IFT43: variants seen among roughly 807,000 people sequenced by gnomAD.
IFT43 encodes intraflagellar transport 43, also known as intraflagellar transport protein 43 homolog.
In IFT43, 33 loss-of-function variants were observed where a neutral mutation model predicts 32.3. That is an observed-to-expected ratio of 1.02 (90% CI 0.77 to 1.37). The LOEUF (loss-of-function observed/expected upper bound fraction) is 1.37, where lower values mean the gene tolerates loss of function less well. Among genes scored for constraint, IFT43 ranks in the 40% most tolerant of loss-of-function variants. The pLI, the probability that IFT43 is intolerant of heterozygous loss-of-function variation, is 0.00. For synonymous variants in IFT43, 93 were observed against 98.2 expected (o/e 0.95, Z 0.31); for missense variants, 274 against 265.9 (o/e 1.03, Z -0.21).
chr14:76,060,883 TC>T (rs2037121482), intron 5 of IFT43, among the ~76,000 whole-genome samples: 2 of 136,506 alleles, frequency 1.5e-5, no homozygotes, highest in Non-Finnish European at 3.2e-5. Flanking sequence ...TTTCCTGCTC[TC>T]CCCTCCCCTC....
intron 5 of IFT43, among the ~76,000 whole-genome samples, chr14:76,066,485 A>G (rs1047297695): frequency 1.3e-5 from 2 of 152,354 alleles, no homozygotes; most frequent in Admixed American, 6.5e-5. Context: ...AGAATCCATT[A>G]TGCAGTAGGA....
intron 3 of IFT43, among the ~76,000 whole-genome samples, chr14:76,045,087 G>C (rs2036780342): frequency 6.6e-6 from 1 of 152,164 alleles, no homozygotes; most frequent in Non-Finnish European, 1.5e-5. Context: ...CATTGTTCAA[G>C]GGTCATCTGT....
At chr14:76,029,010 T>C (rs565729037) in intron 3 of IFT43, among the ~76,000 whole-genome samples, 2 of 152,338 alleles carry the variant, frequency 1.3e-5, no homozygotes, top group African/African-American at 4.8e-5. Context: ...GGTCAAATGG[T>C]AGTTCTATTT....
In IFT43 at chr14:76,016,757, A is replaced by C. The variant is rs537362805; in HGVS notation, c.148-5570A>C. On this transcript the variant is annotated intron_variant, in intron 2 of 8. Transcript: ENST00000314067. ...AGTGTTCTGTAATTTTCGTTGTAGAAGTCTTTCACCTTCTTGGATAAATGT... is the reference window on the plus strand; with the variant it reads ...AGTGTTCTGTAATTTTCGTTGTAGACGTCTTTCACCTTCTTGGATAAATGT... Among the ~76,000 whole-genome samples the C allele has an allele frequency of 4.6e-5, 7 of 152,284 alleles. No individual in the cohort carries two copies. In the East Asian group the frequency reaches 1.2e-3, roughly 25 times the overall value.
At chr14:76,024,820 T>A (rs943632607) in intron 3 of IFT43, among the ~76,000 whole-genome samples, 1 of 152,234 alleles carries the variant, frequency 6.6e-6, no homozygotes, top group African/African-American at 2.4e-5. Flanking sequence ...AGTTAGTCTT[T>A]GTGATTCTTG....
At chr14:76,074,757 G>T (rs1036367882) in intron 5 of IFT43, among the ~76,000 whole-genome samples, 2 of 152,184 alleles carry the variant, frequency 1.3e-5, no homozygotes, top group African/African-American at 4.8e-5. Flanking sequence ...ACACCATAGT[G>T]TCTCCAGAGC....
At chr14:76,035,138 AT>A (rs1213178834) in intron 3 of IFT43, among the ~76,000 whole-genome samples, 1 of 152,084 alleles carries the variant, frequency 6.6e-6, no homozygotes, top group Non-Finnish European at 1.5e-5. Context: ...CCAGCCATTA[AT>A]TTTGGCCCAG....
intron 1 of IFT43, among the ~76,000 whole-genome samples, chr14:75,987,403 CCT>C (rs1391764642): frequency 2.0e-5 from 3 of 152,132 alleles, no homozygotes; most frequent in African/African-American, 7.2e-5. Flanking sequence ...TTCTGTAACC[CCT>C]CTCAGTTTAG....
intron 3 of IFT43, among the ~76,000 whole-genome samples, chr14:76,029,826 T>C (rs1321289436): frequency 6.6e-6 from 1 of 150,824 alleles, no homozygotes; most frequent in Non-Finnish European, 1.5e-5. Flanking sequence ...CCTCTGTGCC[T>C]ATTTTTGTAC....
chr14:76,017,512 G>T (rs759549601), intron 2 of IFT43, among the ~76,000 whole-genome samples: 1 of 151,802 alleles, frequency 6.6e-6, no homozygotes, highest in Non-Finnish European at 1.5e-5. Flanking sequence ...TATAGTTGTT[G>T]TTGTTGTGGT....
At chr14:75,989,731 C>T (rs373531042) in intron 2 of IFT43, among the ~76,000 whole-genome samples, 40 of 152,236 alleles carry the variant, frequency 2.6e-4, no homozygotes, top group African/African-American at 7.7e-4. Context: ...TCTCCCCCAC[C>T]GGACAGTGAG....
At chr14:75,990,577 G>A (rs1266148346) in intron 2 of IFT43, among the ~76,000 whole-genome samples, 1 of 152,176 alleles carries the variant, frequency 6.6e-6, no homozygotes, top group Non-Finnish European at 1.5e-5. Flanking sequence ...CATAGTGTGT[G>A]ATGTACTTAC....
rs189266692 is a variant in IFT43 at position 76,022,627 on chromosome 14, C to A, written c.215+233C>A. The A allele has an allele frequency of 3.3e-3, 1,214 of 365,242 alleles. 37 individuals are homozygous for A. The South Asian group carries it at 0.047, about 14-fold the overall frequency. 22.6% of individuals were successfully genotyped at this position (365,242 alleles called of 1,614,324 possible). ...TCATCACCTCCCCACCAAAAGAAAC[C>A]CTGTATCTATTAGCAGCCACTTCCC... On this transcript the variant is annotated intron_variant, in intron 3 of 8. Coordinates refer to ENST00000314067, the MANE Select transcript of IFT43 (RefSeq NM_001102564.3).
chr14:76,016,965 G>C (rs2036200148), intron 2 of IFT43, among the ~76,000 whole-genome samples: 1 of 152,018 alleles, frequency 6.6e-6, no homozygotes, highest in South Asian at 2.1e-4. Flanking sequence ...TTAGGTTTTT[G>C]TATTTATAAG....
chr14:76,038,409 G>A (rs958986122), intron 3 of IFT43, among the ~76,000 whole-genome samples: 1 of 152,128 alleles, frequency 6.6e-6, no homozygotes, highest in African/African-American at 2.4e-5. Flanking sequence ...CCAAGATATG[G>A]TCAGTTTAGA....
chr14:76,008,281 G>T (rs1423625347), intron 2 of IFT43, among the ~76,000 whole-genome samples: 1 of 152,060 alleles, frequency 6.6e-6, no homozygotes, highest in Admixed American at 6.6e-5. Context: ...CAAGTAAAAG[G>T]CCCTGTAACA....
At chr14:76,012,597 T>C (rs567809184) in intron 2 of IFT43, among the ~76,000 whole-genome samples, 1 of 152,316 alleles carries the variant, frequency 6.6e-6, no homozygotes, top group East Asian at 1.9e-4. Context: ...CTATGCAGGG[T>C]CCTGCCCCCT....
intron 3 of IFT43, among the ~76,000 whole-genome samples, chr14:76,032,546 G>A (rs1667949128): frequency 6.6e-6 from 1 of 152,092 alleles, no homozygotes; most frequent in Admixed American, 6.5e-5. Context: ...ATATCCACAT[G>A]CATGCATACA....
chr14:76,021,017 C>T (rs2036280178), intron 2 of IFT43, among the ~76,000 whole-genome samples: 1 of 152,080 alleles, frequency 6.6e-6, no homozygotes. Context: ...GGCTCGCAGA[C>T]TATGCATGGG....
Sources: gnomAD v4.1 joint callset for allele counts (sites outside exome capture counted in the v4.1 genomes callset) on GRCh38, gnomAD v4.1.1 for gene constraint, MANE v1.5 for transcripts, NCBI Gene and HGNC (gene_info 2026-07-23, HGNC 2026-07-21) for gene names.